The following KDM4C variants were observed in gnomAD, a reference collection of about 807,000 sequenced individuals.
KDM4C encodes lysine demethylase 4C.
A neutral mutation model predicts 129.3 loss-of-function variants in KDM4C; 81 were observed. The observed-to-expected ratio is 0.63, with a 90% confidence interval of 0.52 to 0.75. The LOEUF (loss-of-function observed/expected upper bound fraction) is 0.75. Ranked by LOEUF, KDM4C falls within the 30% of genes least tolerant of loss-of-function variation. KDM4C has a pLI of 0.00. For synonymous variants in KDM4C, 573 were observed against 456.1 expected (o/e 1.26, Z -3.26); for missense variants, 1,457 against 1,304.0 (o/e 1.12, Z -1.81).
Position 6,879,997 on chromosome 9 carries a change from T to A in KDM4C, c.630-15T>A. ...ATTATAAACCTAAAATTTTTACTTA[T>A]GTTTAAAATTTTAGGTATGCTATAC... On this transcript the variant is annotated splice_polypyrimidine_tract_variant and intron_variant, in intron 5 of 21. Coordinates refer to ENST00000381309, the MANE Select transcript of KDM4C (RefSeq NM_015061.6). The A allele has an allele frequency of 6.8e-7, 1 of 1,475,868 alleles. No individual in the cohort carries two copies. The highest frequency in any genetic ancestry group is 2.3e-5 in the East Asian group (1 of 43,752). 91.4% of individuals were successfully genotyped at this position (1,475,868 alleles called of 1,614,324 possible). A position where few individuals can be genotyped will look rare whatever the true frequency, so the allele number is the denominator to read the frequency against.
intron 3 of KDM4C, 105 bp downstream of exon 3, chr9:6,805,879 C>A: frequency 9.6e-7 from 1 of 1,041,974 alleles, no homozygotes; most frequent in Non-Finnish European, 1.3e-6. Flanking sequence ...CAGGAGTCTC[C>A]CATGCAATTT....
intron 14 of KDM4C, among the ~76,000 whole-genome samples, chr9:7,015,193 A>G (rs767535855): frequency 6.6e-6 from 1 of 152,146 alleles, no homozygotes; most frequent in Non-Finnish European, 1.5e-5. Context: ...TACTCATTAA[A>G]TCTTAACCCT....
intron 1 of KDM4C, among the ~76,000 whole-genome samples, chr9:6,786,160 A>G (rs1400046346): frequency 6.6e-6 from 1 of 152,204 alleles, no homozygotes; most frequent in Non-Finnish European, 1.5e-5. Context: ...ACAGGTGTAG[A>G]CAGGGAAGGA....
intron 2 of KDM4C, among the ~76,000 whole-genome samples, chr9:6,794,323 T>C (rs1161169811): frequency 6.6e-6 from 1 of 152,310 alleles, no homozygotes; most frequent in East Asian, 1.9e-4. Context: ...TTTCAAGATA[T>C]GGGGACAGAA....
intron 12 of KDM4C, among the ~76,000 whole-genome samples, chr9:7,003,121 C>A (rs1296250230): frequency 2.0e-5 from 3 of 152,190 alleles, no homozygotes; most frequent in African/African-American, 7.2e-5. Context: ...CTGCCTCGCC[C>A]TCCCAAAGTG....
chr9:6,752,178 A>G (rs918774972), intron 1 of KDM4C, among the ~76,000 whole-genome samples: 10 of 150,406 alleles, frequency 6.6e-5, no homozygotes, highest in African/African-American at 2.5e-4. Context: ...CTAAAAATAC[A>G]AAAAATTAGC....
chr9:6,789,729 C>T (rs983190022), intron 1 of KDM4C, among the ~76,000 whole-genome samples: 2 of 151,862 alleles, frequency 1.3e-5, no homozygotes, highest in Non-Finnish European at 2.9e-5. Flanking sequence ...TATCCTGAAG[C>T]CCATGAATTT....
intron 17 of KDM4C, among the ~76,000 whole-genome samples, chr9:7,103,116 C>T (rs913222152): frequency 2.6e-5 from 4 of 152,024 alleles, no homozygotes; most frequent in African/African-American, 9.7e-5. Context: ...TTTTTTTTGT[C>T]AGTCATGAAG....
intron 7 of KDM4C, among the ~76,000 whole-genome samples, chr9:6,890,188 G>A (rs574039358): frequency 6.6e-6 from 1 of 152,148 alleles, no homozygotes; most frequent in Non-Finnish European, 1.5e-5. Flanking sequence ...GCAGCACAAT[G>A]GTAGCACAGG....
At chr9:6,790,628 T>C (rs1826375458) in intron 1 of KDM4C, among the ~76,000 whole-genome samples, 1 of 140,314 alleles carries the variant, frequency 7.1e-6, no homozygotes, top group Non-Finnish European at 1.5e-5. Context: ...CATTTCTAAT[T>C]TTTCTGTCAG....
rs1337541878 is a variant in KDM4C, at chr9:7,169,902, C to T, written c.2994+12C>T. The T allele has an allele frequency of 9.3e-6, 15 of 1,613,700 alleles. No homozygotes were observed. In the Admixed American group the frequency reaches 1.0e-4, roughly 11 times the overall value. On this transcript the variant is annotated intron_variant, in intron 21 of 21. Coordinates refer to ENST00000381309, the MANE Select transcript of KDM4C (RefSeq NM_015061.6). ...TGAAAGCTCGATTTGTAAGTGCTGG[C>T]AGATGCCACTTGGGGACCTGCCAAG... is the stretch of plus-strand genomic sequence containing the variant.
intron 8 of KDM4C, among the ~76,000 whole-genome samples, chr9:6,940,481 C>G (rs1239892210): frequency 6.6e-6 from 1 of 152,110 alleles, no homozygotes; most frequent in Non-Finnish European, 1.5e-5. Context: ...TCATTTAATC[C>G]ACCTCTATAA....
chr9:7,020,662 A>T (rs1248191724), intron 15 of KDM4C, among the ~76,000 whole-genome samples: 1 of 152,086 alleles, frequency 6.6e-6, no homozygotes, highest in East Asian at 1.9e-4. Context: ...TTTTTAAAAA[A>T]TATTTTTATT....
At chr9:6,772,023 A>G (rs1418138088) in intron 1 of KDM4C, among the ~76,000 whole-genome samples, 2 of 152,198 alleles carry the variant, frequency 1.3e-5, no homozygotes, top group Non-Finnish European at 2.9e-5. Context: ...TGAAATGCAA[A>G]TTTTGGAAAC....
At chr9:6,819,156 G>A (rs1011069012) in intron 4 of KDM4C, 12 of 152,174 alleles carry the variant, frequency 7.9e-5, no homozygotes, top group African/African-American at 2.9e-4. Context: ...GAAGCAGCAT[G>A]TTTGGGAACA....
intron 3 of KDM4C, among the ~76,000 whole-genome samples, chr9:6,807,169 C>G (rs1395627978): frequency 1.3e-5 from 2 of 152,148 alleles, no homozygotes; most frequent in Non-Finnish European, 2.9e-5. Flanking sequence ...GGATTGCAGA[C>G]GGAGTCTCGT....
At chr9:6,845,084 C>T (rs115184650) in intron 4 of KDM4C, among the ~76,000 whole-genome samples, 136 of 152,294 alleles carry the variant, frequency 8.9e-4, no homozygotes, top group African/African-American at 3.1e-3. Context: ...GGAAATGGCT[C>T]ATTATTTCTC....
intron 8 of KDM4C, among the ~76,000 whole-genome samples, chr9:6,955,610 G>T (rs1055151218): frequency 1.5e-4 from 23 of 152,310 alleles, no homozygotes; most frequent in African/African-American, 5.1e-4. Flanking sequence ...ACCAGCCTCT[G>T]ATTAATGGCA....
At chr9:6,950,535 C>G (rs1416090785) in intron 8 of KDM4C, among the ~76,000 whole-genome samples, 1 of 152,138 alleles carries the variant, frequency 6.6e-6, no homozygotes, top group Non-Finnish European at 1.5e-5. Context: ...CTACTAAATT[C>G]AAAGCAAATT....
Sources: allele counts gnomAD v4.1 joint callset (sites outside exome capture counted in the v4.1 genomes callset), GRCh38; gene constraint gnomAD v4.1.1; transcripts MANE v1.5; gene names NCBI Gene and HGNC (gene_info 2026-07-23, HGNC 2026-07-21).